The following NAALADL2 variants were observed in gnomAD, a reference collection of about 807,000 sequenced individuals.
NAALADL2 encodes N-acetylated alpha-linked acidic dipeptidase like 2.
Under a neutral mutation model 87.2 loss-of-function variants are expected in NAALADL2, and 76 were observed. The observed-to-expected ratio is 0.87, with a 90% confidence interval of 0.72 to 1.05. The LOEUF (loss-of-function observed/expected upper bound fraction) is 1.05, where lower values mean the gene tolerates loss of function less well. Ranked by LOEUF, NAALADL2 falls within the 50% of genes least tolerant of loss-of-function variation. The probability of loss-of-function intolerance (pLI) is 0.00; values close to 1 mark genes in which losing one functional copy is unlikely to be tolerated. For missense variants in NAALADL2, 1,089 were observed against 945.8 expected (o/e 1.15, Z -1.99); for synonymous variants, 354 against 331.0 (o/e 1.07, Z -0.75).
chr3:174,880,128 A>G (rs779682074), intron 1 of NAALADL2, among the ~76,000 whole-genome samples: 1 of 151,922 alleles, frequency 6.6e-6, no homozygotes, highest in African/African-American at 2.4e-5. Flanking sequence ...TCAGCTCTAT[A>G]TCGATGATTC....
intron 2 of NAALADL2, among the ~76,000 whole-genome samples, chr3:174,605,481 G>C (rs897954862): frequency 1.3e-5 from 2 of 152,154 alleles, no homozygotes; most frequent in African/African-American, 4.8e-5. Context: ...GCACTTTTCC[G>C]ATGGGCTTAA....
At chr3:175,195,450 G>A (rs186358032) in intron 2 of NAALADL2, among the ~76,000 whole-genome samples, 1 of 151,926 alleles carries the variant, frequency 6.6e-6, no homozygotes, top group African/African-American at 2.4e-5. Context: ...CTGAATAAAT[G>A]TTTATATAGG....
At position 174,619,053 on chromosome 3, in the gene NAALADL2, A is replaced by G. The variant is rs117978588; in HGVS notation, c.-115+68416A>G. Among the ~76,000 whole-genome samples, 126 of 152,030 alleles carry G rather than the reference A, an allele frequency of 8.3e-4. 2 individuals are homozygous for G. In the East Asian group the frequency reaches 0.014, roughly 17 times the overall value. On this transcript the variant is annotated intron_variant, in intron 2 of 3. Coordinates refer to the NAALADL2 transcript ENST00000434257. ...GCAGAGATGGTTCAAATTAACATCA[A>G]CAAGTTACCTTTTTACATTGGTCAA...
intron 2 of NAALADL2, among the ~76,000 whole-genome samples, chr3:174,680,019 T>G (rs1161482126): frequency 6.6e-6 from 1 of 152,154 alleles, no homozygotes. Flanking sequence ...GTTGGTATTG[T>G]GTTTTTCTTA....
At chr3:175,631,165 G>T (rs1727708413) in intron 11 of NAALADL2, among the ~76,000 whole-genome samples, 1 of 151,508 alleles carries the variant, frequency 6.6e-6, no homozygotes. Flanking sequence ...ATGATTTCAT[G>T]CCAAATTAAA....
chr3:174,727,422 G>T (rs920783252), intron 2 of NAALADL2, among the ~76,000 whole-genome samples: 3 of 151,706 alleles, frequency 2.0e-5, no homozygotes, highest in African/African-American at 7.3e-5. Context: ...CCCAAGTCTT[G>T]GAGCATGGGT....
At position 175,093,637 on chromosome 3, in the gene NAALADL2, T is replaced by C. The variant is rs112507328; in HGVS notation, c.44-3153T>C. On this transcript the variant is annotated intron_variant, in intron 1 of 13. Coordinates refer to ENST00000454872, the MANE Select transcript of NAALADL2 (RefSeq NM_207015.3). ...TATATAATTGATTTTACCAAGTTAGTGATTAAAATGCTTTATCATATATGT... is the reference window on the plus strand; with the variant it reads ...TATATAATTGATTTTACCAAGTTAGCGATTAAAATGCTTTATCATATATGT... 7.0e-3 allele frequency among the ~76,000 whole-genome samples: 1,060 copies of C among 151,108 alleles called. 21 individuals are homozygous for C. The highest frequency in any genetic ancestry group is 0.025 in the African/African-American group (1,022 of 41,354).
chr3:174,833,526 A>G (rs1269971223), intron 3 of NAALADL2, among the ~76,000 whole-genome samples: 1 of 152,144 alleles, frequency 6.6e-6, no homozygotes, highest in African/African-American at 2.4e-5. Context: ...ATAAAGGAAG[A>G]GGAAAAACTT....
At chr3:175,553,699 G>A (rs911306752) in intron 9 of NAALADL2, among the ~76,000 whole-genome samples, 4 of 150,562 alleles carry the variant, frequency 2.7e-5, no homozygotes, top group Non-Finnish European at 5.9e-5. Context: ...AATGGTACCT[G>A]AGTATTATAG....
Position 175,234,203 on chromosome 3 carries a change from A to C in NAALADL2, c.818A>C (p.Lys273Thr), listed in dbSNP as rs777110262. ...GCCTATTCTGCCAAAGGAACTCTCA[A>C]GGTAATATGACCATTTGTCTCTGTC... ...YAAYSAKGTL[K>T]AEVIDVSYGM... Residue 273 changes from lysine (K) to threonine (T), a missense_variant and splice_region_variant, in exon 3 of 14, where the codon AAG becomes ACG. Transcript: ENST00000454872. 6 of 1,613,040 alleles carry C rather than the reference A, an allele frequency of 3.7e-6. No homozygotes were observed. Among genetic ancestry groups the C allele is most frequent in the Non-Finnish European group, 5.1e-6 (6 of 1,179,358 alleles).
At chr3:174,961,096 A>G (rs1741923400) in intron 1 of NAALADL2, among the ~76,000 whole-genome samples, 1 of 147,982 alleles carries the variant, frequency 6.8e-6, no homozygotes, top group Non-Finnish European at 1.5e-5. Context: ...TAATATTAAT[A>G]TAATATATAA....
intron 3 of NAALADL2, among the ~76,000 whole-genome samples, chr3:174,843,049 C>G (rs1724200736): frequency 6.6e-6 from 1 of 151,956 alleles, no homozygotes; most frequent in South Asian, 2.1e-4. Flanking sequence ...ATATGACAAT[C>G]AAATCAGGGT....
At chr3:174,912,373 G>C (rs1035101365) in intron 1 of NAALADL2, among the ~76,000 whole-genome samples, 2 of 151,590 alleles carry the variant, frequency 1.3e-5, no homozygotes, top group South Asian at 4.1e-4. Flanking sequence ...AGTTGCTGAG[G>C]TAACTGTTTT....
chr3:175,180,591 C>T (rs1038190314), intron 2 of NAALADL2, among the ~76,000 whole-genome samples: 18 of 151,820 alleles, frequency 1.2e-4, no homozygotes, highest in African/African-American at 2.4e-4. Flanking sequence ...TAGTAAATGA[C>T]GGATTGCAAA....
chr3:175,170,679 G>A (rs1420880896), intron 2 of NAALADL2, among the ~76,000 whole-genome samples: 1 of 151,108 alleles, frequency 6.6e-6, no homozygotes, highest in Non-Finnish European at 1.5e-5. Context: ...TAATCATTGG[G>A]ACATTGTTTA....
intron 2 of NAALADL2, among the ~76,000 whole-genome samples, chr3:174,708,331 T>C (rs1474154576): frequency 6.6e-6 from 1 of 152,232 alleles, no homozygotes; most frequent in East Asian, 1.9e-4. Context: ...GTTTAAGTTA[T>C]TGCTACATAC....
intron 2 of NAALADL2, among the ~76,000 whole-genome samples, chr3:174,600,904 A>G (rs1240733189): frequency 6.6e-6 from 1 of 152,138 alleles, no homozygotes; most frequent in Admixed American, 6.5e-5. Context: ...ACTGGATTAC[A>G]ATTCGACATG....
chr3:175,045,059 A>C (rs974867097), intron 1 of NAALADL2, among the ~76,000 whole-genome samples: 1 of 151,972 alleles, frequency 6.6e-6, no homozygotes, highest in African/African-American at 2.4e-5. Flanking sequence ...CCCTGAAGAC[A>C]CTGTTTTCTA....
At chr3:175,461,090 C>T (rs933551042) in intron 6 of NAALADL2, among the ~76,000 whole-genome samples, 8 of 151,920 alleles carry the variant, frequency 5.3e-5, no homozygotes, top group African/African-American at 1.5e-4. Flanking sequence ...AGATACAGAG[C>T]GCTGATTGGT....
Sources: allele counts gnomAD v4.1 joint callset (sites outside exome capture counted in the v4.1 genomes callset), GRCh38; gene constraint gnomAD v4.1.1; transcripts MANE v1.5; gene names NCBI Gene and HGNC (gene_info 2026-07-23, HGNC 2026-07-21).